Variants in ABTB3 observed in about 807,000 individuals in gnomAD.
ABTB3 encodes ankyrin repeat and BTB domain containing 3, also known as ankyrin repeat- and BTB/POZ domain-containing protein 3.
chr12:107,340,990 T>A, the ABTB3 span, among the ~76,000 whole-genome samples: 5 of 152,008 alleles, frequency 3.3e-5, no homozygotes, highest in Non-Finnish European at 5.9e-5. Flanking sequence ...ACACCATTAC[T>A]CAAATCTAGG....
the ABTB3 span, among the ~76,000 whole-genome samples, chr12:107,517,550 A>G: frequency 6.6e-6 from 1 of 152,050 alleles, no homozygotes; most frequent in African/African-American, 2.4e-5. Context: ...TTGTTGAGCA[A>G]TGGTTTGTAG....
chr12:107,506,711 T>A, the ABTB3 span, among the ~76,000 whole-genome samples: 12 of 152,260 alleles, frequency 7.9e-5, no homozygotes, highest in African/African-American at 1.2e-4. Context: ...TGTGTGTTTG[T>A]CCTCCCAGCT....
At chr12:107,598,472 C>G in the ABTB3 span, among the ~76,000 whole-genome samples, 417 of 152,304 alleles carry the variant, frequency 2.7e-3, 9 homozygotes, top group East Asian at 0.042. Context: ...TGGCCCTGTA[C>G]CCAGCCAAAA....
chr12:107,425,586 C>A, the ABTB3 span, among the ~76,000 whole-genome samples: 70 of 152,308 alleles, frequency 4.6e-4, no homozygotes, highest in East Asian at 0.013. Context: ...CTCGATTAAA[C>A]AAACTCAAAG....
chr12:107,567,257 G>A, the ABTB3 span, among the ~76,000 whole-genome samples: 4 of 152,354 alleles, frequency 2.6e-5, no homozygotes, highest in South Asian at 2.1e-4. Flanking sequence ...TCGCCCTTGC[G>A]GGTATAGGAA....
chr12:107,586,306 C>G, the ABTB3 span, among the ~76,000 whole-genome samples: 1 of 152,128 alleles, frequency 6.6e-6, no homozygotes, highest in Non-Finnish European at 1.5e-5. Context: ...GACCTCGGGC[C>G]TCCCCCATCT....
the ABTB3 span, among the ~76,000 whole-genome samples, chr12:107,583,485 G>C: frequency 6.6e-6 from 1 of 152,136 alleles, no homozygotes; most frequent in African/African-American, 2.4e-5. Context: ...GCCAGATATC[G>C]CACCCAGAGA....
chr12:107,430,166 A>G, the ABTB3 span, among the ~76,000 whole-genome samples: 2 of 152,244 alleles, frequency 1.3e-5, no homozygotes, highest in Non-Finnish European at 2.9e-5. Context: ...ATTCACCTAA[A>G]ATATGATTTT....
the ABTB3 span, among the ~76,000 whole-genome samples, chr12:107,503,132 C>T: frequency 3.8e-4 from 58 of 152,200 alleles, no homozygotes; most frequent in South Asian, 1.5e-3. Flanking sequence ...TTATCGTTTC[C>T]GAGGGAAGGA....
chr12:107,510,318 C>T, the ABTB3 span, among the ~76,000 whole-genome samples: 2 of 152,012 alleles, frequency 1.3e-5, no homozygotes, highest in African/African-American at 4.8e-5. Flanking sequence ...CAGAGACAAA[C>T]AAGGCAGTGC....
chr12:107,369,367 T>C, the ABTB3 span, among the ~76,000 whole-genome samples: 1 of 151,942 alleles, frequency 6.6e-6, no homozygotes, highest in Non-Finnish European at 1.5e-5. Context: ...ATGCAACCTT[T>C]ATTATAAATC....
chr12:107,482,451 G>A, the ABTB3 span, among the ~76,000 whole-genome samples: 1 of 152,182 alleles, frequency 6.6e-6, no homozygotes, highest in South Asian at 2.1e-4. Context: ...GGCTTGGAGT[G>A]TGGGAAGGGA....
chr12:107,618,163 T>C, the ABTB3 span: 1 of 1,613,870 alleles, frequency 6.2e-7, no homozygotes, highest in Non-Finnish European at 8.5e-7. Context: ...GACAGGAATG[T>C]GTTCCGCAAA....
At chr12:107,526,445 G>A in the ABTB3 span, among the ~76,000 whole-genome samples, 2 of 152,112 alleles carry the variant, frequency 1.3e-5, no homozygotes, top group African/African-American at 4.8e-5. Context: ...CCACAGGGCT[G>A]TGGGGAAGCA....
chr12:107,401,770 A>G, the ABTB3 span, among the ~76,000 whole-genome samples: 3 of 152,252 alleles, frequency 2.0e-5, no homozygotes, highest in African/African-American at 7.2e-5. Flanking sequence ...GAGTCTGAGC[A>G]TCACTGCTTT....
the ABTB3 span, chr12:107,657,709 C>T: frequency 1.3e-5 from 21 of 1,614,046 alleles, no homozygotes; most frequent in African/African-American, 1.2e-4. Flanking sequence ...CCAAAGGTTC[C>T]GTGGTATGAA....
At chr12:107,435,928 C>T in the ABTB3 span, among the ~76,000 whole-genome samples, 1 of 152,190 alleles carries the variant, frequency 6.6e-6, no homozygotes, top group Non-Finnish European at 1.5e-5. Context: ...TGAAATGGGG[C>T]AAGTGTGCCT....
the ABTB3 span, among the ~76,000 whole-genome samples, chr12:107,636,175 C>T: frequency 6.6e-6 from 1 of 152,238 alleles, no homozygotes; most frequent in East Asian, 1.9e-4. Flanking sequence ...TCTGCAGTCC[C>T]AGCTTCTGAG....
At chr12:107,629,016 C>T in the ABTB3 span, among the ~76,000 whole-genome samples, 1 of 152,138 alleles carries the variant, frequency 6.6e-6, no homozygotes, top group African/African-American at 2.4e-5. Context: ...GAAGTATTTC[C>T]ACATCTTTTT....
Sources: allele counts gnomAD v4.1 joint callset (sites outside exome capture counted in the v4.1 genomes callset), GRCh38; gene constraint gnomAD v4.1.1; transcripts MANE v1.5; gene names NCBI Gene and HGNC (gene_info 2026-07-23, HGNC 2026-07-21).